NBPF3: variants seen among roughly 807,000 people sequenced by gnomAD.
The protein encoded by NBPF3 is NBPF family member NBPF3.
A neutral mutation model predicts 78.1 loss-of-function variants in NBPF3; 57 were observed. The observed-to-expected ratio is 0.73, with a 90% CI of 0.59 to 0.91. The LOEUF is 0.91. NBPF3 is among the 40% of genes least tolerant of loss of function. The probability of loss-of-function intolerance (pLI) is 0.00; values close to 1 mark genes in which losing one functional copy is unlikely to be tolerated. For synonymous variants in NBPF3, 182 were observed against 271.7 expected (o/e 0.67, Z 3.25); for missense variants, 510 against 715.3 (o/e 0.71, Z 3.27).
At chr1:21,467,158 C>G in intron 2 of NBPF3, 6 of 985,160 alleles carry the variant, frequency 6.1e-6, no homozygotes, top group Non-Finnish European at 7.2e-6. Context: ...GCCGTTGATA[C>G]GTCTTAAAGC....
upstream of NBPF3, among the ~76,000 whole-genome samples, chr1:21,439,943 G>A (rs1640520216): frequency 6.6e-6 from 1 of 152,206 alleles, no homozygotes; most frequent in Non-Finnish European, 1.5e-5. Flanking sequence ...CCCCGTCCCA[G>A]CTGCACTCGG....
intron 2 of NBPF3, among the ~76,000 whole-genome samples, chr1:21,450,128 A>C (rs1377147167): frequency 1.3e-5 from 2 of 150,552 alleles, no homozygotes; most frequent in African/African-American, 4.9e-5. Flanking sequence ...GAGTCATGTG[A>C]GGCTAAAATT....
chr1:21,479,725 G>C (rs979035182), intron 10 of NBPF3, among the ~76,000 whole-genome samples: 1 of 151,624 alleles, frequency 6.6e-6, no homozygotes, highest in Non-Finnish European at 1.5e-5. Context: ...TGTCCTGAAG[G>C]CACAAATATA....
At position 21,483,167 on chromosome 1, in the gene NBPF3, A is replaced by C. The variant is rs1279667695; in HGVS notation, c.1683A>C (p.Ala561=). 1 of 1,610,308 alleles carries C rather than the reference A, an allele frequency of 6.2e-7. No individual in the cohort carries two copies. The highest frequency in any genetic ancestry group is 1.7e-5 in the Admixed American group (1 of 59,426). The change falls in exon 15 of 15, where the codon GCA becomes GCC. Residue 561 remains alanine (A), a synonymous_variant. Coordinates refer to ENST00000318249, the MANE Select transcript of NBPF3 (RefSeq NM_032264.6). ...CPRLNEVLME[A]EEPEVLQDSL... is the part of the protein sequence containing the mutation. ...GGCTCAACGAGGTGCTGATGGAAGC[A>C]GAAGAGCCTGAAGTCTTGCAGGACT...
intron 2 of NBPF3, chr1:21,453,339 G>A (rs1177703370): frequency 6.6e-6 from 1 of 152,102 alleles, no homozygotes; most frequent in African/African-American, 2.4e-5. Context: ...GTTCTCAGTG[G>A]GTCCCATAGC....
intron 11 of NBPF3, among the ~76,000 whole-genome samples, chr1:21,480,690 G>A (rs1256070629): frequency 2.0e-5 from 3 of 152,306 alleles, no homozygotes; most frequent in Non-Finnish European, 4.4e-5. Context: ...CACAAACTTG[G>A]GATAAATGAT....
At chr1:21,480,603 A>C (rs1431914100) in intron 11 of NBPF3, among the ~76,000 whole-genome samples, 1 of 152,306 alleles carries the variant, frequency 6.6e-6, no homozygotes, top group Non-Finnish European at 1.5e-5. Flanking sequence ...ACAGGGCTGA[A>C]TACTGCAGTT....
At chr1:21,437,093 G>C (rs1306210643), upstream of NBPF3, among the ~76,000 whole-genome samples, 1 of 152,154 alleles carries the variant, frequency 6.6e-6, no homozygotes, top group African/African-American at 2.4e-5. Flanking sequence ...GCAGTGTTAG[G>C]GTCCTGGTAG....
In NBPF3 at chr1:21,473,450, A is replaced by G; in HGVS notation, c.805A>G (p.Asn269Asp). 1.2e-6 allele frequency: 2 copies of G among 1,614,184 alleles called. No homozygotes were observed. Among genetic ancestry groups the G allele is most frequent in the Non-Finnish European group, 1.7e-6 (2 of 1,180,046 alleles). Residue 269 changes from asparagine to aspartate, a missense_variant, in exon 7 of 15, where the codon AAT (asparagine) becomes GAT (aspartate). Physicochemically the swap from Asn to Asp is conservative, Grantham distance 23. Coordinates refer to ENST00000318249, the MANE Select transcript of NBPF3 (RefSeq NM_032264.6). ...GGAGGAGTGTGCCATCACTTGTTCA[A>G]ATAGCCACCACCCTTGTGAGTCCAA... is the stretch of plus-strand genomic sequence containing the variant. The part of the protein sequence containing the change: ...SLEECAITCS[N>D]SHHPCESNQP...
chr1:21,475,677 A>C (rs1642853003), intron 8 of NBPF3, among the ~76,000 whole-genome samples: 1 of 152,158 alleles, frequency 6.6e-6, no homozygotes, highest in Non-Finnish European at 1.5e-5. Context: ...CTTGCTGAGG[A>C]GTGCTTTACC....
chr1:21,468,913 T>C lies in NBPF3; in HGVS notation c.343+16T>C, dbSNP rs1642434210. The C allele has an allele frequency of 1.3e-6, 2 of 1,578,442 alleles. No individual in the cohort carries two copies. On this transcript the variant is annotated intron_variant, in intron 3 of 14. Coordinates refer to ENST00000318249, the MANE Select transcript of NBPF3 (RefSeq NM_032264.6). ...AATAATTACGGTAAGTTCTATAGGC[T>C]CACCATCACAAAAGCGATGAATGAT...
intron 3 of NBPF3, 128 bp downstream of exon 3, chr1:21,469,025 C>T (rs1192324989): frequency 5.3e-6 from 4 of 761,228 alleles, no homozygotes; most frequent in East Asian, 5.3e-5. Flanking sequence ...TAGAAATGGG[C>T]ATTTTCACAT....
chr1:21,473,171 A>G (rs992976396), intron 6 of NBPF3, among the ~76,000 whole-genome samples: 1 of 152,150 alleles, frequency 6.6e-6, no homozygotes, highest in Non-Finnish European at 1.5e-5. Flanking sequence ...TGCAATGAAC[A>G]CCAGTTGCTG....
intron 6 of NBPF3, among the ~76,000 whole-genome samples, 177 bp downstream of exon 6, chr1:21,473,092 G>A (rs1642691579): frequency 6.6e-6 from 1 of 152,146 alleles, no homozygotes; most frequent in Admixed American, 6.5e-5. Context: ...CTCTGTGTGT[G>A]GTGGGTGTCA....
At position 21,471,744 on chromosome 1, in the gene NBPF3, T is replaced by A; in HGVS notation, c.622T>A (p.Cys208Ser). The A allele has an allele frequency of 6.2e-7, 1 of 1,609,860 alleles. No homozygotes were observed. The highest frequency in any genetic ancestry group is 8.5e-7 in the Non-Finnish European group (1 of 1,179,146). ...CCTCCGAGAACAGCTGGCTGAGGGA[T>A]GTAGGCTGGCACAGCACCTCGTCCA... is the stretch of plus-strand genomic sequence containing the variant. ...RDLREQLAEGCRLAQHLVQKL... is the reference protein window; with the variant it reads ...RDLREQLAEGSRLAQHLVQKL... The change falls in exon 5 of 15, where the codon TGT becomes AGT. Residue 208 changes from cysteine (C) to serine (S), a missense_variant. Around this residue, in one of 5 missense-constraint regions of NBPF3, gnomAD observed 440 missense variants for 478.2 expected, o/e 0.92. Transcript: ENST00000318249.
At chr1:21,461,432 G>A (rs1420097201) in intron 2 of NBPF3, among the ~76,000 whole-genome samples, 2 of 152,216 alleles carry the variant, frequency 1.3e-5, no homozygotes, top group Non-Finnish European at 2.9e-5. Flanking sequence ...ATAAGCACCT[G>A]AGTAGGAGAA....
intron 5 of NBPF3, 93 bp from the exon 6 acceptor site, chr1:21,472,750 G>A (rs2147993942): frequency 1.1e-6 from 1 of 891,378 alleles, no homozygotes; most frequent in Non-Finnish European, 1.9e-6. Context: ...CAGTGACCAT[G>A]CCTAGATGTT....
intron 5 of NBPF3, among the ~76,000 whole-genome samples, chr1:21,472,606 G>A (rs1642660994): frequency 6.6e-6 from 1 of 152,232 alleles, no homozygotes; most frequent in African/African-American, 2.4e-5. Flanking sequence ...CATGATATGG[G>A]GAGCAAAAGG....
At position 21,472,943 on chromosome 1, in the gene NBPF3, A is replaced by G. The variant is rs746488834; in HGVS notation, c.734+28A>G. 15 of 1,529,164 alleles carry G rather than the reference A, an allele frequency of 9.8e-6. No individual in the cohort carries two copies. The Middle Eastern group carries it at 6.7e-4, about 69-fold the overall frequency. 94.7% of individuals were successfully genotyped at this position (1,529,164 alleles called of 1,614,324 possible). On this transcript the variant is annotated intron_variant, in intron 6 of 14. Coordinates refer to ENST00000318249, the MANE Select transcript of NBPF3 (RefSeq NM_032264.6). The stretch of plus-strand genomic sequence containing the variant: ...AACGCTGAATAATCGGGAGCAAGTA[A>G]TGGGTGGTAACATATGAAAAAGGTC...
Sources: allele counts gnomAD v4.1 joint callset (sites outside exome capture counted in the v4.1 genomes callset), GRCh38; gene constraint gnomAD v4.1.1; regional missense constraint gnomAD v4.1.1; transcripts MANE v1.5; gene names NCBI Gene and HGNC (gene_info 2026-07-23, HGNC 2026-07-21).